Variants in SEMA5B observed in about 807,000 individuals in gnomAD.
The protein encoded by SEMA5B is semaphorin-5B.
Under a neutral mutation model 135.0 loss-of-function variants are expected in SEMA5B, and 66 were observed. That is an observed-to-expected ratio of 0.49 (90% CI 0.40 to 0.60). The LOEUF (loss-of-function observed/expected upper bound fraction) is 0.60, where lower values mean the gene tolerates loss of function less well. Ranked by LOEUF, SEMA5B falls within the 20% of genes least tolerant of loss-of-function variation. The pLI is 0.00. For synonymous variants in SEMA5B, 690 were observed against 639.5 expected, an observed-to-expected ratio of 1.08 and a Z score of -1.19; for missense variants, 1,501 against 1,566.3, an observed-to-expected ratio of 0.96 and a Z score of 0.70.
At position 122,922,172 on chromosome 3, in the gene SEMA5B, C is replaced by G. The variant is rs775920387; in HGVS notation, c.1481-50G>C. ...AAGGTGGCCTTGAAGGCCCCGGAAG[C>G]TTGCAGCCCCGCGCCGTCCCTCAAC... On this transcript the variant is annotated intron_variant, in intron 11 of 22. Coordinates refer to ENST00000357599, the MANE Select transcript of SEMA5B (RefSeq NM_001031702.4). 2.9e-5 allele frequency: 46 copies of G among 1,563,742 alleles called. No homozygotes were observed. In the East Asian group the frequency reaches 1.1e-3, roughly 36 times the overall value.
rs80248993 is a variant in SEMA5B, at chr3:122,935,039, G to A, written c.474+4386C>T. Among the ~76,000 whole-genome samples, 114 of 152,258 alleles carry A rather than the reference G, an allele frequency of 7.5e-4. 1 individual carries two copies. The East Asian group carries it at 0.011, about 15-fold the overall frequency. ...ATTGTTAAAGTGCTATTGAGTACACGGGGTTCATGTACAATTCTCTTTGCT... is the reference window on the plus strand; with the variant it reads ...ATTGTTAAAGTGCTATTGAGTACACAGGGTTCATGTACAATTCTCTTTGCT... On this transcript the variant is annotated intron_variant, in intron 5 of 22. Transcript: ENST00000357599.
rs1939897890 is a variant in SEMA5B at position 122,948,571 on chromosome 3, G to C, written c.263C>G (p.Ser88Cys). Residue 88 changes from serine to cysteine, a missense_variant, in exon 3 of 23, where the codon TCC (serine) becomes TGC (cysteine). Coordinates refer to ENST00000357599, the MANE Select transcript of SEMA5B (RefSeq NM_001031702.4). ...VSHLSSSQDV[S>C]SEPSSEQQLC... ...CTGCTGCTCACTGCTGGGCTCACTG[G>C]AGACATCCTGGGAGCTGGAGAGGTG... 6.2e-7 allele frequency: 1 copy of C among 1,613,848 alleles called. No homozygotes were observed. The highest frequency in any genetic ancestry group is 1.1e-5 in the South Asian group (1 of 91,028).
At chr3:122,965,038 A>C (rs1227207360) in intron 1 of SEMA5B, among the ~76,000 whole-genome samples, 1 of 152,192 alleles carries the variant, frequency 6.6e-6, no homozygotes, top group Non-Finnish European at 1.5e-5. Context: ...GGAAGAGGAC[A>C]GTAGGGTAGC....
chr3:122,910,936 C>G lies in SEMA5B; in HGVS notation c.3201G>C (p.Gln1067His). The G allele has an allele frequency of 6.2e-7, 1 of 1,613,850 alleles. No homozygotes were observed. Among genetic ancestry groups the G allele is most frequent in the Non-Finnish European group, 8.5e-7 (1 of 1,180,018 alleles). The change falls in exon 22 of 23, where the codon CAG (glutamine) becomes CAC (histidine). Residue 1067 changes from glutamine (Q) to histidine (H), a missense_variant. Transcript: ENST00000357599. ...LSCQHCQRQSQESTLVHPATP... is the reference protein window; with the variant it reads ...LSCQHCQRQSHESTLVHPATP... ...TGGCAGGATGGACCAGTGTGGACTC[C>G]TGGGACTGACGCTGGCAGTGCTGGC...
rs928471315 is a variant in SEMA5B, at chr3:122,913,208, C to A, written c.2497G>T (p.Asp833Tyr). 6.4e-7 allele frequency: 1 copy of A among 1,564,958 alleles called. No individual in the cohort carries two copies. The highest frequency in any genetic ancestry group is 2.4e-5 in the East Asian group (1 of 42,148). ...GCCGGGCGCGGGGTACCGTCGGTGT[C>A]GCAGGAGCCGGAGCCGTCCGCGGGA... ...TCPADGSGSCDTDALVEVLLR... is the reference protein window; with the variant it reads ...TCPADGSGSCYTDALVEVLLR... Residue 833 changes from aspartate to tyrosine, a missense_variant, in exon 17 of 23, where the codon GAC becomes TAC. Physicochemically the swap from Asp to Tyr is radical, Grantham distance 160. This residue lies in a region of SEMA5B where 927 missense variants were observed against 881.6 expected (regional missense o/e 1.05). Transcript: ENST00000357599.
chr3:122,948,773 C>T, intron 2 of SEMA5B, 64 bp from the exon 3 acceptor site: 1 of 1,344,162 alleles, frequency 7.4e-7, no homozygotes, highest in Non-Finnish European at 1.0e-6. Context: ...CCCTCAATTT[C>T]CTTGTGGTTA....
intron 2 of SEMA5B, 44 bp from the exon 3 acceptor site, chr3:122,948,753 G>C (rs1286895300): frequency 2.7e-6 from 4 of 1,479,374 alleles, no homozygotes; most frequent in Non-Finnish European, 3.7e-6. Context: ...CCCTCCAACT[G>C]GGCCCACTTC....
intron 1 of SEMA5B, among the ~76,000 whole-genome samples, chr3:122,990,678 C>G (rs1388416405): frequency 6.6e-6 from 1 of 152,212 alleles, no homozygotes; most frequent in Non-Finnish European, 1.5e-5. Context: ...AGGTCTCCTT[C>G]ATGGAGCCCT....
At chr3:122,996,324 C>T (rs1056023232) in intron 1 of SEMA5B, among the ~76,000 whole-genome samples, 1 of 152,234 alleles carries the variant, frequency 6.6e-6, no homozygotes, top group Non-Finnish European at 1.5e-5. Context: ...ATAAAAAGGC[C>T]AGATGGACGT....
intron 2 of SEMA5B, among the ~76,000 whole-genome samples, chr3:122,950,597 C>A (rs1940004541): frequency 6.6e-6 from 1 of 152,156 alleles, no homozygotes; most frequent in African/African-American, 2.4e-5. Context: ...ACAAAATATT[C>A]AGGTTTGTAT....
chr3:123,020,677 C>T (rs913110035), intron 1 of SEMA5B, among the ~76,000 whole-genome samples: 1 of 152,152 alleles, frequency 6.6e-6, no homozygotes, highest in Non-Finnish European at 1.5e-5. Context: ...GCTGCCTATT[C>T]GAAGCTCAAA....
At chr3:122,941,322 A>G (rs1939549848) in intron 4 of SEMA5B, among the ~76,000 whole-genome samples, 1 of 152,226 alleles carries the variant, frequency 6.6e-6, no homozygotes, top group South Asian at 2.1e-4. Flanking sequence ...TGCAGGAAAA[A>G]GTGTCCCTCC....
intron 18 of SEMA5B, 57 bp downstream of exon 18, chr3:122,912,786 G>C: frequency 1.4e-6 from 2 of 1,459,618 alleles, no homozygotes; most frequent in South Asian, 1.3e-5. Context: ...GCGGGGAAGG[G>C]GGCCTCCAGG....
At chr3:122,950,868 C>T (rs1042199552) in intron 2 of SEMA5B, among the ~76,000 whole-genome samples, 1 of 152,196 alleles carries the variant, frequency 6.6e-6, no homozygotes, top group Non-Finnish European at 1.5e-5. Flanking sequence ...CCCAAATAAC[C>T]TAGGGTGTAT....
At chr3:122,953,634 C>A (rs911989589) in intron 2 of SEMA5B, among the ~76,000 whole-genome samples, 20 of 152,178 alleles carry the variant, frequency 1.3e-4, no homozygotes, top group African/African-American at 4.8e-4. Flanking sequence ...TACCTTCGCT[C>A]CAGGTGAGGC....
rs945241608 is a variant in SEMA5B, at chr3:122,913,734, G to A, written c.2133-53C>T. On this transcript the variant is annotated intron_variant, in intron 15 of 22. Coordinates refer to ENST00000357599, the MANE Select transcript of SEMA5B (RefSeq NM_001031702.4). ...AGGGAGGGGGACCCCCTTCCCTGACGAGAGGTCCCTGGGAGTGCAAGACCG... is the reference window on the plus strand; with the variant it reads ...AGGGAGGGGGACCCCCTTCCCTGACAAGAGGTCCCTGGGAGTGCAAGACCG... The A allele has an allele frequency of 7.9e-5, 126 of 1,599,488 alleles. 1 individual carries two copies. Among genetic ancestry groups the A allele is most frequent in the Non-Finnish European group, 9.6e-5 (112 of 1,171,622 alleles).
intron 1 of SEMA5B, chr3:122,975,167 G>C (rs1165017739): frequency 6.6e-6 from 1 of 152,378 alleles, no homozygotes; most frequent in South Asian, 2.1e-4. Context: ...ACCAGACAAG[G>C]AGAGATGGAG....
At chr3:122,958,637 G>A (rs184742970) in intron 2 of SEMA5B, among the ~76,000 whole-genome samples, 20 of 152,352 alleles carry the variant, frequency 1.3e-4, no homozygotes, top group Non-Finnish European at 8.8e-5. Flanking sequence ...ATTTGATACG[G>A]ATTTTCCTCT....
At chr3:122,965,790 A>G (rs1045363795) in intron 1 of SEMA5B, among the ~76,000 whole-genome samples, 1 of 152,252 alleles carries the variant, frequency 6.6e-6, no homozygotes, top group Non-Finnish European at 1.5e-5. Flanking sequence ...GGGTAAAGTG[A>G]AGAGCAGACA....
Sources: gnomAD v4.1 joint callset for allele counts (sites outside exome capture counted in the v4.1 genomes callset) on GRCh38, gnomAD v4.1.1 for gene constraint, gnomAD v4.1.1 regional missense constraint, MANE v1.5 for transcripts, NCBI Gene and HGNC (gene_info 2026-07-23, HGNC 2026-07-21) for gene names.